CYBB: variants seen among roughly 807,000 people sequenced by gnomAD.
CYBB encodes the protein NADPH oxidase 2.
In CYBB, 5 loss-of-function variants were observed where a neutral mutation model predicts 46.5. The observed-to-expected ratio is 0.11, with a 90% confidence interval of 0.06 to 0.23. The LOEUF (loss-of-function observed/expected upper bound fraction) is 0.23, where lower values mean the gene tolerates loss of function less well. Ranked by LOEUF, CYBB falls within the 10% of genes least tolerant of loss-of-function variation. CYBB has a pLI of 1.00. For synonymous variants in CYBB, 183 were observed against 156.7 expected (o/e 1.17, Z -1.26); for missense variants, 307 against 428.3 (o/e 0.72, Z 2.50).
intron 5 of CYBB, among the ~76,000 whole-genome samples, chrX:37,794,662 C>T (rs1929264695): frequency 9.0e-6 from 1 of 111,244 alleles, no homozygotes; most frequent in Admixed American, 9.6e-5. Context: ...CTGGGAGTAA[C>T]TCAGCATTTC....
chrX:37,801,141 A>C, intron 7 of CYBB, 115 bp from the exon 8 acceptor site: 1 of 551,638 alleles, frequency 1.8e-6, no homozygotes, highest in Non-Finnish European at 3.3e-6. Flanking sequence ...CTAATGTCAA[A>C]TATTTAAGCA....
chrX:37,799,997 A>G (rs1001039667), intron 7 of CYBB, among the ~76,000 whole-genome samples: 1 of 111,186 alleles, frequency 9.0e-6, no homozygotes, highest in Admixed American at 9.6e-5. Context: ...GACACAGCAT[A>G]CTATATGAAG....
intron 11 of CYBB, among the ~76,000 whole-genome samples, chrX:37,809,103 A>G (rs1235423933): frequency 8.9e-6 from 1 of 112,596 alleles, no homozygotes; most frequent in Non-Finnish European, 1.9e-5. Flanking sequence ...GTCTTATGCT[A>G]CCAAAGTATT....
chrX:37,788,666 G>A (rs1335347561), intron 3 of CYBB, among the ~76,000 whole-genome samples: 6 of 111,197 alleles, frequency 5.4e-5, no homozygotes, highest in South Asian at 3.8e-4. Context: ...GATGTCACAC[G>A]GCTAGGTGGG....
intron 7 of CYBB, among the ~76,000 whole-genome samples, chrX:37,800,741 G>C (rs1267319655): frequency 8.9e-6 from 1 of 111,879 alleles, no homozygotes; most frequent in Non-Finnish European, 1.9e-5. Context: ...CATTCAGCAA[G>C]TGCATTGCAT....
chrX:37,780,246 C>A, intron 1 of CYBB, 124 bp downstream of exon 1: 2 of 572,767 alleles, frequency 3.5e-6, no homozygotes, highest in Non-Finnish European at 5.9e-6. Flanking sequence ...ACCATGTGAA[C>A]CTATATCTAT....
At position 37,783,642 on chromosome X, in the gene CYBB, G is replaced by A. The variant is rs367940868; in HGVS notation, c.252+42G>A. ...TACTAAGTTCCTCTAATTTTCAAAG[G>A]CCATCAAGCAAAATGCCCTTTTTTA... On this transcript the variant is annotated intron_variant, in intron 3 of 12. Transcript: ENST00000378588. The A allele has an allele frequency of 3.2e-6, 3 of 937,458 alleles. No homozygotes were observed. The African/African-American group carries it at 5.8e-5, about 18-fold the overall frequency. The allele number at this position is 937,458 out of a possible 1,213,427, so 77.3% of individuals were successfully genotyped here.
chrX:37,809,105 C>A (rs1211839533), intron 11 of CYBB, among the ~76,000 whole-genome samples: 2 of 112,339 alleles, frequency 1.8e-5, no homozygotes, highest in Non-Finnish European at 3.8e-5. Flanking sequence ...CTTATGCTAC[C>A]AAAGTATTGC....
intron 3 of CYBB, among the ~76,000 whole-genome samples, chrX:37,785,888 T>C (rs1556465421): frequency 9.0e-6 from 1 of 111,573 alleles, no homozygotes; most frequent in Non-Finnish European, 1.9e-5. Flanking sequence ...CCATGTCCCA[T>C]GAGCAGCACA....
chrX:37,801,586 TTGTGTGTGTGTG>T lies in CYBB; in HGVS notation c.897+270_897+281del, dbSNP rs58302662. ...TCTGGACATCAATCTCCCCCACCCA[TTGTGTGTGTGTG>T]TGTGTGTGTGTGTGTGTGTGTGTGT... On this transcript the variant is annotated intron_variant, in intron 8 of 12. Transcript: ENST00000378588. Among the ~76,000 whole-genome samples, 29 of 84,581 alleles carry T rather than the reference TTGTGTGTGTGTG, an allele frequency of 3.4e-4. No homozygotes were observed. In the East Asian group the frequency reaches 6.6e-3, roughly 19 times the overall value. The allele number at this position is 84,581 out of a possible 115,157, so 73.4% of individuals were successfully genotyped here.
intron 4 of CYBB, among the ~76,000 whole-genome samples, chrX:37,792,900 A>C (rs1271183454): frequency 2.7e-5 from 3 of 110,300 alleles, no homozygotes; most frequent in African/African-American, 9.9e-5. Context: ...GTACGGATTA[A>C]GAGCACATAT....
intron 5 of CYBB, 28 bp downstream of exon 5, chrX:37,793,838 A>T (rs1556467731): frequency 8.5e-7 from 1 of 1,171,887 alleles, no homozygotes; most frequent in Admixed American, 2.2e-5. Context: ...TGACTTAGAT[A>T]TTCTCTAGGC....
intron 1 of CYBB, among the ~76,000 whole-genome samples, chrX:37,781,014 T>A (rs904367015): frequency 7.2e-5 from 8 of 111,841 alleles, no homozygotes; most frequent in African/African-American, 1.9e-4. Context: ...TGAAAAATAA[T>A]GAGTCTTTGA....
chrX:37,811,639 G>T lies in CYBB; in HGVS notation c.*722G>T, dbSNP rs1929677774. On this transcript the variant is annotated 3_prime_UTR_variant, in exon 13 of 13. Coordinates refer to ENST00000378588, the MANE Select transcript of CYBB (RefSeq NM_000397.4). ...GAGAGCGGATACTCAAGTAAGTTTTGTTAAATGAATGAATGAATTTAGAAC... is the reference window on the plus strand; with the variant it reads ...GAGAGCGGATACTCAAGTAAGTTTTTTTAAATGAATGAATGAATTTAGAAC... The T allele has an allele frequency of 8.9e-6, 1 of 112,143 alleles. No individual in the cohort carries two copies. Among genetic ancestry groups the T allele is most frequent in the Admixed American group, 9.5e-5 (1 of 10,557 alleles). 9.2% of individuals were successfully genotyped at this position (112,143 alleles called of 1,213,427 possible).
rs151344478 is a variant in CYBB, at chrX:37,810,805, T to A, written c.1601T>A (p.Val534Asp). The A allele has an allele frequency of 8.3e-7, 1 of 1,208,088 alleles. No homozygotes were observed. Among genetic ancestry groups the A allele is most frequent in the Non-Finnish European group, 1.1e-6 (1 of 893,461 alleles). The change falls in exon 13 of 13, where the codon GTT (valine) becomes GAT (aspartate). Residue 534 changes from valine to aspartate, a missense_variant. Physicochemically the swap from Val to Asp is radical, Grantham distance 152 (BLOSUM62 -3). This residue lies in a region of CYBB where 122 missense variants were observed against 208.3 expected (regional missense o/e 0.59). Transcript: ENST00000378588. Reference sequence around the variant, plus strand: ...TTTCCCAAAAGTACCAGAATAGGAGTTTTCCTCTGTGGACCTGAAGCCTTG... The same window carrying A: ...TTTCCCAAAAGTACCAGAATAGGAGATTTCCTCTGTGGACCTGAAGCCTTG... ...ASQHPNTRIG[V>D]FLCGPEALAE...
Position 37,811,150 on chromosome X carries a change from T to G in CYBB, c.*233T>G. ...CATTATTTCATTTTTTTCCTCTCAG[T>G]AATGTCAGTGGAAGTTAGGGAAAAG... On this transcript the variant is annotated 3_prime_UTR_variant, in exon 13 of 13. Transcript: ENST00000378588. 3.2e-6 allele frequency: 1 copy of G among 310,424 alleles called. No individual in the cohort carries two copies. The allele number at this position is 310,424 out of a possible 1,213,427, so 25.6% of individuals were successfully genotyped here.
In CYBB at chrX:37,810,921, G is replaced by A. The variant is rs754096410; in HGVS notation, c.*4G>A. On this transcript the variant is annotated 3_prime_UTR_variant, in exon 13 of 13. Transcript: ENST00000378588. ...TTTCAACAAGGAAAACTTCTAACTT[G>A]TCTCTTCCATGAGGAAATAAATGTG... The A allele has an allele frequency of 1.7e-6, 2 of 1,204,162 alleles. No individual in the cohort carries two copies. The highest frequency in any genetic ancestry group is 1.8e-5 in the South Asian group (1 of 56,658).
intron 8 of CYBB, among the ~76,000 whole-genome samples, chrX:37,801,624 G>GTGTT (rs1318212409): frequency 1.9e-5 from 2 of 103,638 alleles, no homozygotes; most frequent in African/African-American, 4.0e-5. Context: ...GTGTGTGTGT[G>GTGTT]TGTGTTTGTG....
At chrX:37,810,132 C>T (rs1320781601) in intron 12 of CYBB, among the ~76,000 whole-genome samples, 1 of 112,187 alleles carries the variant, frequency 8.9e-6, no homozygotes, top group Non-Finnish European at 1.9e-5. Context: ...TTTCTGCTCT[C>T]ACTAAAACTT....
Sources: allele counts gnomAD v4.1 joint callset (sites outside exome capture counted in the v4.1 genomes callset), GRCh38; gene constraint gnomAD v4.1.1; regional missense constraint gnomAD v4.1.1; transcripts MANE v1.5; gene names NCBI Gene and HGNC (gene_info 2026-07-23, HGNC 2026-07-21).